MPP2: variants seen among roughly 807,000 people sequenced by gnomAD.
The protein encoded by MPP2 is MAGUK p55 subfamily member 2.
In MPP2, 42 loss-of-function variants were observed where a neutral mutation model predicts 58.5. The ratio of observed to expected loss-of-function variants is 0.72; its 90% confidence interval spans 0.56 to 0.93. The LOEUF is 0.93. MPP2 is among the 40% of genes least tolerant of loss of function. The pLI is 0.00. For missense variants in MPP2, 632 were observed against 760.4 expected (o/e 0.83, Z 1.99); for synonymous variants, 300 against 307.8 (o/e 0.97, Z 0.26).
At chr17:43,898,131 T>C in intron 3 of MPP2, 131 bp downstream of exon 3, 4 of 736,272 alleles carry the variant, frequency 5.4e-6, no homozygotes, top group Non-Finnish European at 9.5e-6. Flanking sequence ...GATTTTCTTC[T>C]ACAATCCCCT....
At chr17:43,882,181 C>A in intron 6 of MPP2, 103 bp downstream of exon 6, 1 of 1,162,228 alleles carries the variant, frequency 8.6e-7, no homozygotes, top group Non-Finnish European at 1.2e-6. Context: ...CCCATCTTCC[C>A]TGGAGGAAAC....
At chr17:43,896,779 G>C (rs151229967) in intron 3 of MPP2, among the ~76,000 whole-genome samples, 1 of 152,182 alleles carries the variant, frequency 6.6e-6, no homozygotes, top group East Asian at 1.9e-4. Flanking sequence ...CTTCCCTTCT[G>C]AATCTTCCTG....
chr17:43,903,326 C>G (rs1349669910), intron 2 of MPP2, among the ~76,000 whole-genome samples: 1 of 151,668 alleles, frequency 6.6e-6, no homozygotes, highest in African/African-American at 2.4e-5. Flanking sequence ...GATCTTGTCC[C>G]ATCATCTCAT....
In MPP2 at chr17:43,880,000, TAGGTTGGACCAAATGGGCAGGGGC is replaced by T. The variant is rs761811503; in HGVS notation, c.1151-40_1151-17del. 29 of 1,612,942 alleles carry T rather than the reference TAGGTTGGACCAAATGGGCAGGGGC, an allele frequency of 1.8e-5. No individual in the cohort carries two copies. In the African/African-American group the frequency reaches 3.6e-4, roughly 20 times the overall value. On this transcript the variant is annotated splice_polypyrimidine_tract_variant and intron_variant, in intron 10 of 12. Transcript: ENST00000269095. This position sits in a 1 kb window ranked among gnomAD's most constrained non-coding sequence, Gnocchi z 4.1. The stretch of plus-strand genomic sequence containing the variant: ...CGGGAGGTGTCTAGGGGGATGGGGG[TAGGTTGGACCAAATGGGCAGGGGC>T]AGGTTACAGTGCCTCAGACACATAT...
chr17:43,907,467 C>T lies in MPP2; in HGVS notation c.-34+7G>A. The stretch of plus-strand genomic sequence containing the variant: ...AGGAGCTGGCCCGGGGGCCGGGGGA[C>T]GCCTACCTGCGCCCCGGGAAGCCCC... On this transcript the variant is annotated splice_region_variant and intron_variant, in intron 1 of 12. Coordinates refer to ENST00000269095, the MANE Select transcript of MPP2 (RefSeq NM_005374.5). 4.1e-6 allele frequency: 4 copies of T among 985,538 alleles called. No homozygotes were observed. The highest frequency in any genetic ancestry group is 4.8e-6 in the Non-Finnish European group (4 of 830,000). 61.0% of individuals were successfully genotyped at this position (985,538 alleles called of 1,614,324 possible).
chr17:43,882,288 C>G lies in MPP2; in HGVS notation c.677G>C (p.Arg226Pro), dbSNP rs543947750. The G allele has an allele frequency of 1.9e-6, 3 of 1,609,316 alleles. No individual in the cohort carries two copies. In the Admixed American group the frequency reaches 5.0e-5, roughly 27 times the overall value. Residue 226 changes from arginine (R) to proline (P), a missense_variant, in exon 6 of 13, where the codon CGC becomes CCC. Coordinates refer to ENST00000269095, the MANE Select transcript of MPP2 (RefSeq NM_005374.5). The stretch of plus-strand genomic sequence containing the variant: ...TGTGCTGGGTGAGGGGCCCACCTGG[C>G]GGGGCAGATGGGGCTCCTGGTAGCT... ...LPSYQEPHLPRQVFVKCHFDY... is the reference protein window; with the variant it reads ...LPSYQEPHLPPQVFVKCHFDY...
rs1284419770 is a variant in MPP2, at chr17:43,876,051, T to C, written c.*1756A>G. On this transcript the variant is annotated 3_prime_UTR_variant, in exon 13 of 13. Transcript: ENST00000269095. Reference sequence around the variant, plus strand: ...GAGGAGCAGGAGAATGAGTGTGTAGTATACGCAGAGCCACACCAACGAGAT... The same window carrying C: ...GAGGAGCAGGAGAATGAGTGTGTAGCATACGCAGAGCCACACCAACGAGAT... 1 of 152,520 alleles carries C rather than the reference T, an allele frequency of 6.6e-6. No individual in the cohort carries two copies. The highest frequency in any genetic ancestry group is 1.5e-5 in the Non-Finnish European group (1 of 68,088). 9.4% of individuals were successfully genotyped at this position (152,520 alleles called of 1,614,324 possible). A position where few individuals can be genotyped will look rare whatever the true frequency, so the allele number is the denominator to read the frequency against.
chr17:43,907,012 C>T (rs1471383171), intron 1 of MPP2: 2 of 239,214 alleles, frequency 8.4e-6, no homozygotes, highest in Non-Finnish European at 1.4e-5. Flanking sequence ...TCTGCGGACC[C>T]CCTCCCAGGG....
Position 43,882,958 on chromosome 17 carries a change from A to G in MPP2, c.398T>C (p.Val133Ala). ...CACCATGCGCACAGCATCGGGAGGT[A>G]CAGGCTGGTTGCTGAATGTAGGGTC... ...GLDPTFSNQPVPPDAVRMVGI... is the reference protein window; with the variant it reads ...GLDPTFSNQPAPPDAVRMVGI... Residue 133 changes from valine to alanine, a missense_variant, in exon 5 of 13, where the codon GTA (valine) becomes GCA (alanine). By Grantham distance (64) the Val-to-Ala change is moderately conservative (BLOSUM62 0). Coordinates refer to ENST00000269095, the MANE Select transcript of MPP2 (RefSeq NM_005374.5). 6.2e-7 allele frequency: 1 copy of G among 1,614,086 alleles called. No homozygotes were observed. The highest frequency in any genetic ancestry group is 8.5e-7 in the Non-Finnish European group (1 of 1,180,014).
At chr17:43,885,645 C>T (rs1397677579) in intron 3 of MPP2, among the ~76,000 whole-genome samples, 4 of 152,172 alleles carry the variant, frequency 2.6e-5, no homozygotes, top group African/African-American at 7.2e-5. Flanking sequence ...CTTATTTGTT[C>T]TGTCCTTCAA....
At chr17:43,894,475 G>A in intron 3 of MPP2, among the ~76,000 whole-genome samples, 1 of 132,158 alleles carries the variant, frequency 7.6e-6, no homozygotes. Context: ...AAATTAGCCG[G>A]GCATGGTGGT....
intron 3 of MPP2, among the ~76,000 whole-genome samples, chr17:43,897,563 G>T (rs2047900497): frequency 6.6e-6 from 1 of 152,088 alleles, no homozygotes; most frequent in African/African-American, 2.4e-5. Flanking sequence ...ACAGCCCCCA[G>T]TGCCCTCCAG....
At chr17:43,893,762 CT>C (rs1360991206) in intron 3 of MPP2, among the ~76,000 whole-genome samples, 4 of 152,206 alleles carry the variant, frequency 2.6e-5, no homozygotes, top group African/African-American at 9.7e-5. Context: ...AACCACCCCC[CT>C]CACCCTGATC....
chr17:43,881,141 G>C lies in MPP2; in HGVS notation c.937C>G (p.Leu313Val). The change falls in exon 9 of 13, where the codon CTT becomes GTT. Residue 313 changes from leucine (L) to valine (V), a missense_variant. Leu to Val is a conservative substitution (Grantham distance 32). Transcript: ENST00000269095. ...ATTCGCTTCTTTTTCTTTCCTGAAA[G>C]GCTGCCGCATAGGGTCCCTGGCCAT... Reference protein sequence around the residue: ...TPNSGTLCGSLSGKKKKRMMY... With the variant: ...TPNSGTLCGSVSGKKKKRMMY... 6.2e-7 allele frequency: 1 copy of C among 1,614,074 alleles called. No individual in the cohort carries two copies.
At chr17:43,891,806 G>A (rs1248085783) in intron 3 of MPP2, among the ~76,000 whole-genome samples, 1 of 151,844 alleles carries the variant, frequency 6.6e-6, no homozygotes, top group Non-Finnish European at 1.5e-5. Flanking sequence ...GTTCAGAGAG[G>A]TTGACAGATA....
chr17:43,882,001 G>A (rs2047148809), intron 6 of MPP2, among the ~76,000 whole-genome samples: 1 of 152,204 alleles, frequency 6.6e-6, no homozygotes, highest in Non-Finnish European at 1.5e-5. Context: ...CTGCGCACGC[G>A]CACAAACGTG....
At position 43,879,643 on chromosome 17, in the gene MPP2, G is replaced by C. The variant is rs1680070705; in HGVS notation, c.1353+139C>G. ...GGAAGGCTGAGAAAGGTTCCAGGTG[G>C]GCTGGGTTTCTAGCAGTAGTTGAGG... On this transcript the variant is annotated intron_variant, in intron 11 of 12. Transcript: ENST00000269095. This position sits in a 1 kb window ranked among gnomAD's most constrained non-coding sequence, Gnocchi z 4.1. 2 of 1,086,134 alleles carry C rather than the reference G, an allele frequency of 1.8e-6. No homozygotes were observed. Among genetic ancestry groups the C allele is most frequent in the Non-Finnish European group, 2.7e-6 (2 of 754,476 alleles). 67.3% of individuals were successfully genotyped at this position (1,086,134 alleles called of 1,614,324 possible). A position where few individuals can be genotyped will look rare whatever the true frequency, so the allele number is the denominator to read the frequency against.
At chr17:43,888,386 CT>C (rs2047458514) in intron 3 of MPP2, among the ~76,000 whole-genome samples, 1 of 152,212 alleles carries the variant, frequency 6.6e-6, no homozygotes, top group African/African-American at 2.4e-5. Context: ...CCACAGACCC[CT>C]ATGTGACTTT....
At chr17:43,888,150 C>G (rs1212894962) in intron 3 of MPP2, among the ~76,000 whole-genome samples, 2 of 152,152 alleles carry the variant, frequency 1.3e-5, no homozygotes, top group African/African-American at 4.8e-5. Flanking sequence ...GGACATAGTG[C>G]CTGGCAGACA....
Sources: allele counts gnomAD v4.1 joint callset (sites outside exome capture counted in the v4.1 genomes callset), GRCh38; gene constraint gnomAD v4.1.1; non-coding constraint Gnocchi (gnomAD v3.1); transcripts MANE v1.5; gene names NCBI Gene and HGNC (gene_info 2026-07-23, HGNC 2026-07-21).